The following CMTM7 variants were observed in gnomAD, a reference collection of about 807,000 sequenced individuals.
CMTM7 encodes CKLF-like MARVEL transmembrane domain-containing protein 7.
In CMTM7, 7 loss-of-function variants were observed where a neutral mutation model predicts 19.3. That is an observed-to-expected ratio of 0.36 (90% CI 0.21 to 0.68). The LOEUF is 0.68. CMTM7 is among the 30% of genes least tolerant of loss of function. CMTM7 has a pLI of 0.60. For synonymous variants in CMTM7, 87 were observed against 99.3 expected (o/e 0.88, Z 0.74); for missense variants, 193 against 232.6 (o/e 0.83, Z 1.11).
intron 2 of CMTM7, among the ~76,000 whole-genome samples, chr3:32,443,180 C>T (rs1171056186): frequency 3.3e-5 from 5 of 152,138 alleles, no homozygotes; most frequent in Non-Finnish European, 4.4e-5. Flanking sequence ...CTCACTGCAG[C>T]CTCAACCTCC....
chr3:32,410,204 G>A (rs886776845), intron 1 of CMTM7, among the ~76,000 whole-genome samples: 1 of 152,070 alleles, frequency 6.6e-6, no homozygotes, highest in African/African-American at 2.4e-5. Flanking sequence ...ACAGCACTTT[G>A]CCAGCCAGAA....
intron 1 of CMTM7, among the ~76,000 whole-genome samples, chr3:32,438,749 G>A (rs1364604532): frequency 1.3e-5 from 2 of 152,306 alleles, no homozygotes; most frequent in East Asian, 1.9e-4. Flanking sequence ...GAGCAGGAAT[G>A]TACTTCCTAC....
intron 1 of CMTM7, among the ~76,000 whole-genome samples, chr3:32,437,687 T>C (rs548534519): frequency 2.0e-5 from 3 of 152,080 alleles, no homozygotes; most frequent in South Asian, 2.1e-4. Flanking sequence ...GGTCAGGAGA[T>C]CGAGACTCTC....
rs559059848 is a variant in CMTM7 at position 32,426,367 on chromosome 3, G to A, written c.160-15473G>A. Among the ~76,000 whole-genome samples, 202 of 152,088 alleles carry A rather than the reference G, an allele frequency of 1.3e-3. 1 individual carries two copies. Among genetic ancestry groups the A allele is most frequent in the Non-Finnish European group, 2.3e-3 (159 of 68,014 alleles). On this transcript the variant is annotated intron_variant, in intron 1 of 4. Coordinates refer to ENST00000334983, the MANE Select transcript of CMTM7 (RefSeq NM_138410.4). ...ATGAATATTTTCCCATGTTATGAAA[G>A]CAAGATTATTTAAAGCTACATTTTT...
At chr3:32,434,600 TCTTTTC>T (rs750822206) in intron 1 of CMTM7, among the ~76,000 whole-genome samples, 2 of 19,362 alleles carry the variant, frequency 1.0e-4, no homozygotes, top group South Asian at 5.3e-3. Context: ...TTGCCTCTTT[TCTTTTC>T]TTTTTTTTTT....
chr3:32,398,907 G>A (rs1426524831), intron 1 of CMTM7, among the ~76,000 whole-genome samples: 1 of 152,092 alleles, frequency 6.6e-6, no homozygotes, highest in African/African-American at 2.4e-5. Flanking sequence ...ATCTCTTGGA[G>A]GTCTAGGCTG....
chr3:32,438,019 C>T (rs2125638093), intron 1 of CMTM7, among the ~76,000 whole-genome samples: 1 of 152,320 alleles, frequency 6.6e-6, no homozygotes, highest in Middle Eastern at 3.4e-3. Context: ...CAAGTGAACC[C>T]TTTGGACAGC....
At position 32,402,081 on chromosome 3, in the gene CMTM7, T is replaced by TTTTG. The variant is rs569991620; in HGVS notation, c.159+10024_159+10027dup. 6.8e-4 allele frequency among the ~76,000 whole-genome samples: 103 copies of TTTTG among 152,104 alleles called. No individual in the cohort carries two copies. In the South Asian group the frequency reaches 0.018, roughly 26 times the overall value. Reference sequence around the variant, plus strand: ...CTCTTTAGTTTACTTTAAGCAAAGGTTTTGTTTGTTTATTTGTTTGTTTGG... The same window carrying TTTTG: ...CTCTTTAGTTTACTTTAAGCAAAGGTTTTGTTTGTTTGTTTATTTGTTTGTTTGG... On this transcript the variant is annotated intron_variant, in intron 1 of 4. Transcript: ENST00000334983.
At chr3:32,428,198 G>GCT (rs1256947759) in intron 1 of CMTM7, among the ~76,000 whole-genome samples, 1 of 152,194 alleles carries the variant, frequency 6.6e-6, no homozygotes, top group African/African-American at 2.4e-5. Flanking sequence ...AGGCCCACCA[G>GCT]CTCTCTCCAA....
At chr3:32,453,319 T>C (rs939718080) in intron 4 of CMTM7, among the ~76,000 whole-genome samples, 15 of 152,280 alleles carry the variant, frequency 9.9e-5, no homozygotes, top group African/African-American at 3.4e-4. Flanking sequence ...GTCATCACAC[T>C]ACCCAGAAGT....
At chr3:32,435,685 A>G (rs546122033) in intron 1 of CMTM7, among the ~76,000 whole-genome samples, 10 of 152,204 alleles carry the variant, frequency 6.6e-5, no homozygotes, top group Middle Eastern at 3.2e-3. Context: ...GCCACCTACA[A>G]CAAAGAATTA....
chr3:32,434,583 A>G (rs78037216), intron 1 of CMTM7, among the ~76,000 whole-genome samples: 3,462 of 147,268 alleles, frequency 0.024, 55 homozygotes, highest in East Asian at 0.045. Flanking sequence ...CACTGAGATT[A>G]CACCTATTGC....
At chr3:32,411,033 A>T (rs1696166329) in intron 1 of CMTM7, among the ~76,000 whole-genome samples, 1 of 152,246 alleles carries the variant, frequency 6.6e-6, no homozygotes, top group African/African-American at 2.4e-5. Context: ...TTTGCCTGGC[A>T]GAGGCGCTAC....
rs1000611170 is a variant in CMTM7 at position 32,418,597 on chromosome 3, G to T, written c.160-23243G>T. 2.0e-5 allele frequency among the ~76,000 whole-genome samples: 3 copies of T among 152,282 alleles called. No homozygotes were observed. The South Asian group carries it at 6.2e-4, about 32-fold the overall frequency. Reference sequence around the variant, plus strand: ...TTGCATAAGGGTTAAGTATGGGCCAGGGGTCGTTGTTTTATATATGGATAT... The same window carrying T: ...TTGCATAAGGGTTAAGTATGGGCCATGGGTCGTTGTTTTATATATGGATAT... On this transcript the variant is annotated intron_variant, in intron 1 of 4. Transcript: ENST00000334983.
At chr3:32,420,529 G>A (rs1696328031) in intron 1 of CMTM7, among the ~76,000 whole-genome samples, 1 of 152,214 alleles carries the variant, frequency 6.6e-6, no homozygotes, top group Non-Finnish European at 1.5e-5. Flanking sequence ...GGGGAGGGCT[G>A]ACTCTACGCC....
chr3:32,416,681 C>G (rs12636435), intron 1 of CMTM7, among the ~76,000 whole-genome samples: 2 of 152,228 alleles, frequency 1.3e-5, no homozygotes, highest in East Asian at 3.9e-4. Context: ...TGAGCCACCA[C>G]GCCCAACCAT....
intron 1 of CMTM7, among the ~76,000 whole-genome samples, chr3:32,401,852 C>T (rs1389791374): frequency 1.3e-5 from 2 of 152,206 alleles, no homozygotes; most frequent in African/African-American, 4.8e-5. Context: ...GGCAGCAGCC[C>T]GGGGGCTGCG....
At chr3:32,392,163 GC>G in intron 1 of CMTM7, 98 bp downstream of exon 1, 1 of 941,780 alleles carries the variant, frequency 1.1e-6, no homozygotes, top group Non-Finnish European at 1.4e-6. Context: ...CCCGGCCGGA[GC>G]CCAGGGAGCA....
intron 1 of CMTM7, among the ~76,000 whole-genome samples, chr3:32,431,949 T>C (rs347151): frequency 0.74 from 112,388 of 152,142 alleles, 41,728 homozygotes; most frequent in Non-Finnish European, 0.76. Flanking sequence ...CCGGTCAACA[T>C]TGCTGACTTC....
Sources: gnomAD v4.1 joint callset for allele counts (sites outside exome capture counted in the v4.1 genomes callset) on GRCh38, gnomAD v4.1.1 for gene constraint, MANE v1.5 for transcripts, NCBI Gene and HGNC (gene_info 2026-07-23, HGNC 2026-07-21) for gene names.